The following GRK3 variants were observed in gnomAD, a reference collection of about 807,000 sequenced individuals.
GRK3 encodes adrenergic, beta, receptor kinase 2.
Under a neutral mutation model 95.7 loss-of-function variants are expected in GRK3, and 54 were observed. The ratio of observed to expected loss-of-function variants is 0.56; its 90% CI spans 0.45 to 0.71. GRK3 has a LOEUF of 0.71. Ranked by LOEUF, GRK3 falls within the 30% of genes least tolerant of loss-of-function variation. The pLI, the probability that GRK3 is intolerant of heterozygous loss-of-function variation, is 0.00. For missense variants in GRK3, 649 were observed against 851.2 expected (o/e 0.76, Z 2.96); for synonymous variants, 281 against 290.8 (o/e 0.97, Z 0.34).
chr22:25,590,418 T>A (rs1334761905), intron 1 of GRK3, among the ~76,000 whole-genome samples: 1 of 152,192 alleles, frequency 6.6e-6, no homozygotes, highest in Non-Finnish European at 1.5e-5. Flanking sequence ...TACATTCCTC[T>A]TCTATCATTA....
At chr22:25,572,504 C>G (rs1056494768) in intron 1 of GRK3, among the ~76,000 whole-genome samples, 3 of 152,206 alleles carry the variant, frequency 2.0e-5, no homozygotes, top group Non-Finnish European at 4.4e-5. Flanking sequence ...TCTCCACATC[C>G]TCTCCAACAC....
At chr22:25,709,802 T>C (rs1601543364) in intron 15 of GRK3, 96 bp from the exon 16 acceptor site, 2 of 819,346 alleles carry the variant, frequency 2.4e-6, no homozygotes, top group East Asian at 5.0e-5. Context: ...GTGGAAATAC[T>C]TGCTCCCCTG....
At chr22:25,697,949 G>A (rs2085222807) in intron 13 of GRK3, among the ~76,000 whole-genome samples, 1 of 152,186 alleles carries the variant, frequency 6.6e-6, no homozygotes, top group South Asian at 2.1e-4. Context: ...GAGCCAAAGA[G>A]CAGGAAACAT....
intron 12 of GRK3, among the ~76,000 whole-genome samples, chr22:25,693,554 C>T (rs1460957579): frequency 6.6e-6 from 1 of 152,116 alleles, no homozygotes; most frequent in Non-Finnish European, 1.5e-5. Flanking sequence ...GGCCTGATGA[C>T]CTTACCCTGT....
intron 9 of GRK3, 73 bp from the exon 10 acceptor site, chr22:25,685,097 A>G: frequency 3.3e-6 from 3 of 905,490 alleles, no homozygotes; most frequent in African/African-American, 1.7e-5. Flanking sequence ...AATATGTAGC[A>G]TGGTGTTTGG....
chr22:25,645,200 T>C (rs567756402), intron 3 of GRK3, among the ~76,000 whole-genome samples: 4 of 152,252 alleles, frequency 2.6e-5, no homozygotes, highest in East Asian at 3.9e-4. Context: ...AGAAGGCACA[T>C]TGAAATCTCC....
chr22:25,604,513 A>G (rs1277620802), intron 2 of GRK3, 60 bp downstream of exon 2: 16 of 1,187,442 alleles, frequency 1.3e-5, no homozygotes, highest in Admixed American at 9.6e-5. Flanking sequence ...GGGCGATACT[A>G]TAGTAATATA....
chr22:25,636,684 G>A (rs923165368), intron 2 of GRK3, among the ~76,000 whole-genome samples: 1 of 152,004 alleles, frequency 6.6e-6, no homozygotes, highest in African/African-American at 2.4e-5. Flanking sequence ...TTCTTAGAAA[G>A]TTCCTTCATG....
chr22:25,704,494 C>G (rs1247933063), intron 15 of GRK3, among the ~76,000 whole-genome samples: 1 of 152,154 alleles, frequency 6.6e-6, no homozygotes, highest in Non-Finnish European at 1.5e-5. Context: ...ACTGCAACCT[C>G]CACCTCCTAG....
chr22:25,638,266 C>T (rs192412006), intron 2 of GRK3, among the ~76,000 whole-genome samples: 1 of 152,302 alleles, frequency 6.6e-6, no homozygotes, highest in East Asian at 1.9e-4. Flanking sequence ...AACTTAAATA[C>T]CATCATGTAA....
chr22:25,661,556 G>T lies in GRK3; in HGVS notation c.265-20G>T. On this transcript the variant is annotated intron_variant, in intron 3 of 20. Coordinates refer to ENST00000324198, the MANE Select transcript of GRK3 (RefSeq NM_005160.4). ...TTCCAGGAAGATACAACCTAACAAT[G>T]ATAACTTTAAAAAACCTAGATAAAG... 1 of 1,530,156 alleles carries T rather than the reference G, an allele frequency of 6.5e-7. No homozygotes were observed. Among genetic ancestry groups the T allele is most frequent in the South Asian group, 1.1e-5 (1 of 88,274 alleles). The allele number at this position is 1,530,156 out of a possible 1,614,324, so 94.8% of individuals were successfully genotyped here.
At chr22:25,578,018 G>A (rs532759376) in intron 1 of GRK3, among the ~76,000 whole-genome samples, 1 of 152,244 alleles carries the variant, frequency 6.6e-6, no homozygotes, top group Non-Finnish European at 1.5e-5. Context: ...AAAGAATAAT[G>A]TCATTTTTGG....
rs1450661131 is a variant in GRK3, at chr22:25,644,684, A to G, written c.264+19A>G. ...TGAAGAGGTAAGAAGTAACTGTTTTACTGATGCTTTTCTTTCAAAAGCATA... is the reference window on the plus strand; with the variant it reads ...TGAAGAGGTAAGAAGTAACTGTTTTGCTGATGCTTTTCTTTCAAAAGCATA... On this transcript the variant is annotated intron_variant, in intron 3 of 20. Coordinates refer to ENST00000324198, the MANE Select transcript of GRK3 (RefSeq NM_005160.4). 2 of 1,322,112 alleles carry G rather than the reference A, an allele frequency of 1.5e-6. No individual in the cohort carries two copies. The highest frequency in any genetic ancestry group is 4.7e-5 in the East Asian group (2 of 42,978). 81.9% of individuals were successfully genotyped at this position (1,322,112 alleles called of 1,614,324 possible). A position where few individuals can be genotyped will look rare whatever the true frequency, so the allele number is the denominator to read the frequency against.
intron 1 of GRK3, among the ~76,000 whole-genome samples, chr22:25,587,200 G>A (rs1932343455): frequency 6.6e-6 from 1 of 152,066 alleles, no homozygotes; most frequent in Non-Finnish European, 1.5e-5. Context: ...GGCCCTTGCA[G>A]TCTTTTAAAT....
chr22:25,642,259 C>T (rs966104758), intron 2 of GRK3, among the ~76,000 whole-genome samples: 1 of 152,082 alleles, frequency 6.6e-6, no homozygotes, highest in Non-Finnish European at 1.5e-5. Context: ...ATGGTGAAAC[C>T]CCGTATCTAC....
intron 1 of GRK3, among the ~76,000 whole-genome samples, chr22:25,589,132 G>C (rs1932414487): frequency 6.6e-6 from 1 of 152,106 alleles, no homozygotes; most frequent in African/African-American, 2.4e-5. Flanking sequence ...CTTATTATGT[G>C]CTACTAGTTT....
At chr22:25,712,666 C>T (rs892082853) in intron 17 of GRK3, among the ~76,000 whole-genome samples, 2 of 152,236 alleles carry the variant, frequency 1.3e-5, no homozygotes, top group Non-Finnish European at 2.9e-5. Context: ...TGCAACCTCT[C>T]GAGTCTTGGC....
chr22:25,690,496 C>T (rs1391710277), intron 12 of GRK3, among the ~76,000 whole-genome samples: 2 of 152,216 alleles, frequency 1.3e-5, no homozygotes, highest in African/African-American at 2.4e-5. Flanking sequence ...TGAACCTGCT[C>T]AGGGACCAGG....
intron 17 of GRK3, among the ~76,000 whole-genome samples, chr22:25,714,001 T>C (rs117731012): frequency 0.012 from 1,776 of 152,326 alleles, 16 homozygotes; most frequent in South Asian, 0.018. Context: ...TATAACTGTT[T>C]CTGAAACTAT....
Sources: allele counts gnomAD v4.1 joint callset (sites outside exome capture counted in the v4.1 genomes callset), GRCh38; gene constraint gnomAD v4.1.1; transcripts MANE v1.5; gene names NCBI Gene and HGNC (gene_info 2026-07-23, HGNC 2026-07-21).